Variants in RCAN2 observed in about 807,000 individuals in gnomAD.
RCAN2 encodes calcipressin-2.
A neutral mutation model predicts 23.6 loss-of-function variants in RCAN2; 9 were observed. The observed-to-expected ratio is 0.38, with a 90% CI of 0.23 to 0.67. RCAN2 has a LOEUF of 0.67. Ranked by LOEUF, RCAN2 falls within the 30% of genes least tolerant of loss-of-function variation. RCAN2 has a pLI of 0.51. For synonymous variants in RCAN2, 109 were observed against 115.7 expected (o/e 0.94, Z 0.37); for missense variants, 273 against 302.3 (o/e 0.90, Z 0.72).
intron 2 of RCAN2, among the ~76,000 whole-genome samples, chr6:46,439,140 C>A (rs182131383): frequency 1.3e-5 from 2 of 152,296 alleles, no homozygotes; most frequent in Non-Finnish European, 2.9e-5. Context: ...CACTACAGAG[C>A]CCATTTCTTT....
chr6:46,336,336 G>A, intron 2 of RCAN2, among the ~76,000 whole-genome samples: 1 of 152,210 alleles, frequency 6.6e-6, no homozygotes, highest in Non-Finnish European at 1.5e-5. Context: ...AGCAAGGCAG[G>A]TGCTAAAGGG....
At chr6:46,238,955 T>G (rs1012421188) in intron 4 of RCAN2, among the ~76,000 whole-genome samples, 2 of 152,222 alleles carry the variant, frequency 1.3e-5, no homozygotes, top group African/African-American at 2.4e-5. Flanking sequence ...GATATACAGT[T>G]TTATATGGAT....
intron 2 of RCAN2, among the ~76,000 whole-genome samples, chr6:46,387,531 T>C (rs1463813576): frequency 6.6e-6 from 1 of 152,084 alleles, no homozygotes; most frequent in Non-Finnish European, 1.5e-5. Context: ...ATCAGAGAAA[T>C]GCATATGAAA....
Position 46,343,375 on chromosome 6 carries a change from A to ATT in RCAN2, c.226-94481_226-94480dup, listed in dbSNP as rs3084618. 3.8e-4 allele frequency among the ~76,000 whole-genome samples: 51 copies of ATT among 135,668 alleles called. 5 individuals are homozygous for ATT. Among genetic ancestry groups the ATT allele is most frequent in the East Asian group, 1.1e-3 (5 of 4,582 alleles). 89.0% of individuals were successfully genotyped at this position (135,668 alleles called of 152,430 possible). ...AATGGTATAGCCACTTGGGAAAACAATTTTTTTTTTTTTTTTTTGAGACAG... is the reference window on the plus strand; with the variant it reads ...AATGGTATAGCCACTTGGGAAAACAATTTTTTTTTTTTTTTTTTTTGAGACAG... On this transcript the variant is annotated intron_variant, in intron 2 of 4. Coordinates refer to ENST00000371374, the MANE Select transcript of RCAN2 (RefSeq NM_001251974.2).
At chr6:46,331,414 G>A (rs560711502) in intron 2 of RCAN2, among the ~76,000 whole-genome samples, 2 of 152,194 alleles carry the variant, frequency 1.3e-5, no homozygotes, top group Non-Finnish European at 2.9e-5. Context: ...TTAAACATAT[G>A]TGATGGTTAA....
intron 2 of RCAN2, among the ~76,000 whole-genome samples, chr6:46,388,161 G>A (rs1444819055): frequency 6.6e-6 from 1 of 152,016 alleles, no homozygotes; most frequent in East Asian, 1.9e-4. Context: ...TAAATGACGA[G>A]TTAATGGGTG....
intron 2 of RCAN2, among the ~76,000 whole-genome samples, chr6:46,324,222 G>C (rs1199695671): frequency 6.6e-6 from 1 of 152,198 alleles, no homozygotes; most frequent in Non-Finnish European, 1.5e-5. Context: ...TCATATGACA[G>C]GTGGTAGACA....
chr6:46,239,775 G>T (rs1439047143), intron 4 of RCAN2, among the ~76,000 whole-genome samples: 1 of 152,108 alleles, frequency 6.6e-6, no homozygotes, highest in African/African-American at 2.4e-5. Flanking sequence ...ATATATTTCA[G>T]TATAAGAACA....
intron 2 of RCAN2, among the ~76,000 whole-genome samples, chr6:46,383,168 AGTGTGTGTGT>A (rs71305761): frequency 9.7e-4 from 135 of 139,400 alleles, no homozygotes; most frequent in African/African-American, 2.7e-3. Flanking sequence ...CAGCCTGGGT[AGTGTGTGTGT>A]GTGTGTGTGT....
chr6:46,268,549 T>C (rs775384133), intron 2 of RCAN2, among the ~76,000 whole-genome samples: 38 of 152,192 alleles, frequency 2.5e-4, no homozygotes, highest in Non-Finnish European at 4.4e-4. Context: ...TGAGAAAACA[T>C]CTTTGAGTAG....
intron 2 of RCAN2, among the ~76,000 whole-genome samples, chr6:46,281,352 C>T (rs1172655983): frequency 6.6e-6 from 1 of 152,210 alleles, no homozygotes; most frequent in Non-Finnish European, 1.5e-5. Context: ...TTGGTTTGCT[C>T]ATCAGAACCA....
intron 1 of RCAN2, among the ~76,000 whole-genome samples, chr6:46,484,719 A>C (rs998364517): frequency 6.6e-6 from 1 of 152,220 alleles, no homozygotes; most frequent in Non-Finnish European, 1.5e-5. Context: ...TGATAACGGA[A>C]ACATCAGGAG....
intron 2 of RCAN2, among the ~76,000 whole-genome samples, chr6:46,273,163 G>T (rs772491563): frequency 6.6e-6 from 1 of 152,102 alleles, no homozygotes; most frequent in Non-Finnish European, 1.5e-5. Flanking sequence ...GGCAGCTCAC[G>T]CTCACACTAT....
At chr6:46,450,496 T>C (rs1642794609) in intron 2 of RCAN2, among the ~76,000 whole-genome samples, 1 of 152,118 alleles carries the variant, frequency 6.6e-6, no homozygotes, top group Non-Finnish European at 1.5e-5. Context: ...CTGCTCTCCA[T>C]TATTCATCGC....
At chr6:46,385,412 A>G (rs956036746) in intron 2 of RCAN2, among the ~76,000 whole-genome samples, 1 of 152,238 alleles carries the variant, frequency 6.6e-6, no homozygotes, top group Non-Finnish European at 1.5e-5. Context: ...ATTAGTAAGA[A>G]GCTGAAATGC....
intron 2 of RCAN2, among the ~76,000 whole-genome samples, chr6:46,260,718 C>A (rs968649296): frequency 8.5e-5 from 13 of 152,144 alleles, no homozygotes; most frequent in Admixed American, 7.9e-4. Flanking sequence ...AGCAAGGTAC[C>A]ATTTGTGGAT....
chr6:46,235,598 C>T (rs554757917), intron 4 of RCAN2, among the ~76,000 whole-genome samples: 36 of 152,314 alleles, frequency 2.4e-4, no homozygotes, highest in Middle Eastern at 3.4e-3. Flanking sequence ...ATCTAGGTTC[C>T]GTTACCAGCT....
intron 2 of RCAN2, among the ~76,000 whole-genome samples, chr6:46,389,649 C>A (rs1330385621): frequency 6.6e-6 from 1 of 152,156 alleles, no homozygotes; most frequent in Non-Finnish European, 1.5e-5. Context: ...TGTTCTGGAG[C>A]TGGTTATGCT....
intron 2 of RCAN2, among the ~76,000 whole-genome samples, chr6:46,400,413 T>C (rs1241481628): frequency 1.2e-4 from 18 of 152,212 alleles, no homozygotes; most frequent in Admixed American, 8.5e-4. Context: ...AATCAATCTC[T>C]CTCATTAGTT....
Sources: gnomAD v4.1 joint callset for allele counts (sites outside exome capture counted in the v4.1 genomes callset) on GRCh38, gnomAD v4.1.1 for gene constraint, MANE v1.5 for transcripts, NCBI Gene and HGNC (gene_info 2026-07-23, HGNC 2026-07-21) for gene names.